The following EBF1 variants were observed in gnomAD, a reference collection of about 807,000 sequenced individuals.
The protein encoded by EBF1 is EBF transcription factor 1, also known as transcription factor COE1.
A neutral mutation model predicts 68.4 loss-of-function variants in EBF1; 10 were observed. The observed-to-expected ratio is 0.15, with a 90% CI of 0.09 to 0.25. The LOEUF (loss-of-function observed/expected upper bound fraction) is 0.25, where lower values mean the gene tolerates loss of function less well. Ranked by LOEUF, EBF1 falls within the 10% of genes least tolerant of loss-of-function variation. The pLI, the probability that EBF1 is intolerant of heterozygous loss-of-function variation, is 1.00. For missense variants in EBF1, 509 were observed against 794.4 expected (o/e 0.64, Z 4.32); for synonymous variants, 298 against 299.8 (o/e 0.99, Z 0.06).
At chr5:158,793,362 T>C (rs1290528712) in intron 9 of EBF1, among the ~76,000 whole-genome samples, 2 of 152,216 alleles carry the variant, frequency 1.3e-5, no homozygotes, top group Non-Finnish European at 1.5e-5. Flanking sequence ...GGTTAATATT[T>C]TTCTGCTTCT....
At chr5:159,058,044 G>A (rs946926492) in intron 6 of EBF1, among the ~76,000 whole-genome samples, 26 of 152,194 alleles carry the variant, frequency 1.7e-4, no homozygotes, top group African/African-American at 6.3e-4. Context: ...AAGGTTCTTA[G>A]CTAAAGGGAT....
chr5:158,715,293 T>C (rs922124691), intron 11 of EBF1, among the ~76,000 whole-genome samples: 4 of 152,230 alleles, frequency 2.6e-5, no homozygotes, highest in African/African-American at 9.6e-5. Context: ...AGCAGTGCTG[T>C]TCAATTTTCA....
At chr5:158,733,028 C>T (rs1379105533) in intron 10 of EBF1, among the ~76,000 whole-genome samples, 1 of 151,974 alleles carries the variant, frequency 6.6e-6, no homozygotes, top group African/African-American at 2.4e-5. Context: ...CTTTCTAAAC[C>T]CTTGAGAAGA....
At chr5:158,805,971 T>C (rs967120997) in intron 8 of EBF1, among the ~76,000 whole-genome samples, 1 of 152,066 alleles carries the variant, frequency 6.6e-6, no homozygotes, top group Non-Finnish European at 1.5e-5. Flanking sequence ...TTTTTTTTGC[T>C]GGGGCAGGGG....
chr5:158,992,239 A>AT (rs1760480491), intron 6 of EBF1, among the ~76,000 whole-genome samples: 1 of 150,922 alleles, frequency 6.6e-6, no homozygotes, highest in African/African-American at 2.4e-5. Flanking sequence ...AAAAAAAAAA[A>AT]GTATTCCTTT....
At chr5:158,932,816 C>T (rs575593488) in intron 6 of EBF1, among the ~76,000 whole-genome samples, 1 of 152,302 alleles carries the variant, frequency 6.6e-6, no homozygotes, top group South Asian at 2.1e-4. Flanking sequence ...TATCTCTGTA[C>T]ATCAAACCCA....
At chr5:158,766,649 TA>T (rs953869992) in intron 10 of EBF1, among the ~76,000 whole-genome samples, 2 of 152,082 alleles carry the variant, frequency 1.3e-5, no homozygotes, top group Non-Finnish European at 2.9e-5. Flanking sequence ...TTAAAAATTC[TA>T]AAAAAAGACA....
intron 3 of EBF1, among the ~76,000 whole-genome samples, chr5:159,096,093 G>GA (rs1179262640): frequency 6.6e-6 from 1 of 152,256 alleles, no homozygotes; most frequent in Non-Finnish European, 1.5e-5. Context: ...GAGGAAGAAT[G>GA]AAAGTGGCTC....
chr5:159,032,915 A>C (rs1486708212), intron 6 of EBF1, among the ~76,000 whole-genome samples: 1 of 152,174 alleles, frequency 6.6e-6, no homozygotes, highest in East Asian at 1.9e-4. Flanking sequence ...AGGGGAAGGA[A>C]AGCAAGACTT....
chr5:158,823,073 T>G, intron 8 of EBF1, 103 bp downstream of exon 8: 1 of 1,529,288 alleles, frequency 6.5e-7, no homozygotes, highest in Non-Finnish European at 9.0e-7. Context: ...AAAAGACTTT[T>G]GAAATTTGAA....
chr5:158,908,944 G>T (rs1583073419), intron 6 of EBF1, among the ~76,000 whole-genome samples: 1 of 152,158 alleles, frequency 6.6e-6, no homozygotes, highest in Non-Finnish European at 1.5e-5. Context: ...ATGCCACTTT[G>T]TTCAGACCGA....
intron 6 of EBF1, chr5:158,941,169 C>T: frequency 4.4e-6 from 2 of 455,812 alleles, no homozygotes; most frequent in East Asian, 7.0e-5. Context: ...ACCATTCACG[C>T]ACCTCAGGTT....
At chr5:158,880,961 C>T (rs972145305) in intron 6 of EBF1, among the ~76,000 whole-genome samples, 1 of 152,168 alleles carries the variant, frequency 6.6e-6, no homozygotes, top group Admixed American at 6.5e-5. Flanking sequence ...TCTGCATGAA[C>T]CTCACTTCTG....
intron 15 of EBF1, 128 bp downstream of exon 15, chr5:158,707,851 G>A (rs887445494): frequency 4.3e-6 from 5 of 1,151,440 alleles, no homozygotes; most frequent in Non-Finnish European, 6.1e-6. Context: ...CAGAAGAGAT[G>A]AGGGCAGAGA....
chr5:158,990,130 G>C (rs1316015871), intron 6 of EBF1, among the ~76,000 whole-genome samples: 2 of 152,138 alleles, frequency 1.3e-5, no homozygotes, highest in Non-Finnish European at 2.9e-5. Context: ...ACATGGGATT[G>C]GGGCACCAAG....
chr5:158,702,172 A>T (rs1167557690), intron 15 of EBF1, among the ~76,000 whole-genome samples: 5 of 152,196 alleles, frequency 3.3e-5, no homozygotes, highest in Non-Finnish European at 7.3e-5. Context: ...ACCTCCAAAG[A>T]GGCCCTTTTA....
At chr5:158,785,350 G>T (rs1372871494) in intron 9 of EBF1, among the ~76,000 whole-genome samples, 1 of 152,164 alleles carries the variant, frequency 6.6e-6, no homozygotes, top group Non-Finnish European at 1.5e-5. Context: ...GCTGAAATAT[G>T]AAAAGTATAT....
At chr5:158,777,332 T>G in intron 10 of EBF1, 81 bp downstream of exon 10, 2 of 1,336,258 alleles carry the variant, frequency 1.5e-6, no homozygotes, top group Non-Finnish European at 9.8e-7. Flanking sequence ...ATAAAATACA[T>G]GCTTTTATAC....
intron 6 of EBF1, among the ~76,000 whole-genome samples, chr5:158,951,056 C>T (rs1815855815): frequency 6.6e-6 from 1 of 152,188 alleles, no homozygotes; most frequent in South Asian, 2.1e-4. Context: ...AAGTAAAATG[C>T]ATCTGACTCT....
Sources: allele counts gnomAD v4.1 joint callset (sites outside exome capture counted in the v4.1 genomes callset), GRCh38; gene constraint gnomAD v4.1.1; transcripts MANE v1.5; gene names NCBI Gene and HGNC (gene_info 2026-07-23, HGNC 2026-07-21).